The following ESRRG variants were observed in gnomAD, a reference collection of about 807,000 sequenced individuals.
The protein encoded by ESRRG is estrogen-related receptor gamma.
ESRRG carries 13 observed loss-of-function variants against 44.0 expected under a neutral mutation model. The observed-to-expected ratio is 0.30, with a 90% confidence interval of 0.19 to 0.47. ESRRG has a LOEUF of 0.47. Among genes scored for constraint, ESRRG ranks in the 20% least tolerant of loss-of-function variants. The pLI is 1.00. For missense variants in ESRRG, 395 were observed against 580.6 expected, an observed-to-expected ratio of 0.68 and a Z score of 3.29; for synonymous variants, 215 against 214.6, an observed-to-expected ratio of 1.00 and a Z score of -0.02.
chr1:216,522,118 G>T (rs2046266698), intron 5 of ESRRG, among the ~76,000 whole-genome samples: 1 of 151,702 alleles, frequency 6.6e-6, no homozygotes. Context: ...CCTGCAATTT[G>T]TTTCTTCTAT....
intron 1 of ESRRG, among the ~76,000 whole-genome samples, chr1:216,992,197 T>A (rs1391317756): frequency 6.6e-6 from 1 of 152,202 alleles, no homozygotes; most frequent in Non-Finnish European, 1.5e-5. Context: ...CTGTCAGTCT[T>A]TGTGACTCCC....
intron 2 of ESRRG, among the ~76,000 whole-genome samples, chr1:216,922,703 G>A (rs2061992746): frequency 6.6e-6 from 1 of 152,288 alleles, no homozygotes; most frequent in East Asian, 1.9e-4. Flanking sequence ...AAAGGAGCTG[G>A]GAAACAAGAA....
At chr1:216,953,084 G>T (rs561709874) in intron 1 of ESRRG, among the ~76,000 whole-genome samples, 1 of 152,056 alleles carries the variant, frequency 6.6e-6, no homozygotes, top group South Asian at 2.1e-4. Flanking sequence ...TGGCTGCTTC[G>T]AGCTTTTCTG....
chr1:216,753,205 C>G (rs1045258062), intron 2 of ESRRG, among the ~76,000 whole-genome samples: 18 of 151,806 alleles, frequency 1.2e-4, no homozygotes, highest in African/African-American at 3.9e-4. Flanking sequence ...CAGAGTAGTA[C>G]CTGTCATTAG....
chr1:216,889,011 T>C (rs1559996560), intron 2 of ESRRG, among the ~76,000 whole-genome samples: 2 of 151,972 alleles, frequency 1.3e-5, no homozygotes, highest in Non-Finnish European at 2.9e-5. Context: ...CTCAGAAGAA[T>C]GAGAAAAGGT....
chr1:216,573,465 A>T (rs545200139), intron 3 of ESRRG, among the ~76,000 whole-genome samples: 3 of 152,060 alleles, frequency 2.0e-5, no homozygotes, highest in African/African-American at 7.2e-5. Context: ...TTATTATACG[A>T]ATGTACTTAA....
intron 3 of ESRRG, among the ~76,000 whole-genome samples, chr1:216,579,381 A>G (rs17042929): frequency 0.048 from 7,279 of 152,184 alleles, 567 homozygotes; most frequent in African/African-American, 0.16. Flanking sequence ...TTACATGTCC[A>G]TCTAAACATA....
At chr1:217,025,678 A>T (rs939613209) in intron 1 of ESRRG, among the ~76,000 whole-genome samples, 1 of 152,190 alleles carries the variant, frequency 6.6e-6, no homozygotes, top group Non-Finnish European at 1.5e-5. Flanking sequence ...TTATGGGTCC[A>T]AACACAGCCC....
chr1:216,742,091 C>T (rs965569041), intron 2 of ESRRG, among the ~76,000 whole-genome samples: 6 of 152,192 alleles, frequency 3.9e-5, no homozygotes, highest in African/African-American at 1.4e-4. Flanking sequence ...AACCCTCTTT[C>T]CTGGCAAGTT....
intron 3 of ESRRG, 85 bp from the exon 4 acceptor site, chr1:216,568,183 C>T: frequency 1.1e-6 from 1 of 914,192 alleles, no homozygotes; most frequent in Admixed American, 1.7e-5. Context: ...CCCCCAAGAG[C>T]ACATAGGTGA....
intron 2 of ESRRG, among the ~76,000 whole-genome samples, chr1:216,742,879 G>A (rs2090930529): frequency 1.3e-5 from 2 of 149,206 alleles, no homozygotes; most frequent in Non-Finnish European, 3.0e-5. Context: ...TCAAACTTAA[G>A]AGTTTAGGGA....
Position 216,565,045 on chromosome 1 carries a change from C to T in ESRRG, c.701-665G>A, listed in dbSNP as rs532208889. 5.9e-5 allele frequency among the ~76,000 whole-genome samples: 9 copies of T among 152,292 alleles called. No homozygotes were observed. In the East Asian group the frequency reaches 1.5e-3, roughly 26 times the overall value. ...TAAAAATACTCCTCCTTAAATGTTA[C>T]AGTCATTTTCTCTTCTGTGTGTCAA... On this transcript the variant is annotated intron_variant, in intron 4 of 6. Transcript: ENST00000408911.
At chr1:216,564,184 A>C in intron 5 of ESRRG, 35 bp downstream of exon 5, 1 of 1,408,398 alleles carries the variant, frequency 7.1e-7, no homozygotes, top group Non-Finnish European at 9.5e-7. Flanking sequence ...ATTAATTGCA[A>C]CCTTTTCTTT....
At chr1:216,776,412 A>T (rs901677769) in intron 2 of ESRRG, among the ~76,000 whole-genome samples, 3 of 152,036 alleles carry the variant, frequency 2.0e-5, no homozygotes, top group African/African-American at 7.2e-5. Flanking sequence ...AGGTGGTCCC[A>T]AGGATCCCAA....
chr1:216,554,243 C>T (rs566764961), intron 5 of ESRRG, among the ~76,000 whole-genome samples: 2 of 151,980 alleles, frequency 1.3e-5, no homozygotes, highest in Admixed American at 1.3e-4. Flanking sequence ...CATCTGAAGT[C>T]AGGAGTTTGA....
At chr1:216,839,632 GTGTATATGAA>G (rs2095619920) in intron 2 of ESRRG, among the ~76,000 whole-genome samples, 1 of 152,170 alleles carries the variant, frequency 6.6e-6, no homozygotes, top group Non-Finnish European at 1.5e-5. Context: ...AATTGATGTT[GTGTATATGAA>G]TGAAACCAAC....
At chr1:217,121,429 G>A (rs905934564) in intron 1 of ESRRG, among the ~76,000 whole-genome samples, 2 of 152,186 alleles carry the variant, frequency 1.3e-5, no homozygotes, top group African/African-American at 4.8e-5. Context: ...CACTCTCCTG[G>A]TAGTGTGAAG....
At chr1:216,801,933 CTG>C (rs1576700738) in intron 2 of ESRRG, among the ~76,000 whole-genome samples, 1 of 152,260 alleles carries the variant, frequency 6.6e-6, no homozygotes, top group East Asian at 1.9e-4. Context: ...CAAAAATACT[CTG>C]CAGATGGAAA....
At chr1:217,124,666 G>T (rs1043502410) in intron 1 of ESRRG, among the ~76,000 whole-genome samples, 2 of 152,104 alleles carry the variant, frequency 1.3e-5, no homozygotes, top group African/African-American at 2.4e-5. Context: ...GTTCTACTTA[G>T]ATATAGCCAC....
Sources: gnomAD v4.1 joint callset for allele counts (sites outside exome capture counted in the v4.1 genomes callset) on GRCh38, gnomAD v4.1.1 for gene constraint, MANE v1.5 for transcripts, NCBI Gene and HGNC (gene_info 2026-07-23, HGNC 2026-07-21) for gene names.